CNTNAP5: variants seen among roughly 807,000 people sequenced by gnomAD.
CNTNAP5 encodes contactin associated protein family member 5.
A neutral mutation model predicts 150.2 loss-of-function variants in CNTNAP5; 72 were observed. That is an observed-to-expected ratio of 0.48 (90% CI 0.40 to 0.58). The LOEUF is 0.58. Ranked by LOEUF, CNTNAP5 falls within the 20% of genes least tolerant of loss-of-function variation. The pLI is 0.00. For synonymous variants in CNTNAP5, 672 were observed against 619.8 expected (o/e 1.08, Z -1.25); for missense variants, 1,636 against 1,626.2 (o/e 1.01, Z -0.10).
chr2:124,681,257 G>C (rs1319309066), intron 13 of CNTNAP5, among the ~76,000 whole-genome samples: 3 of 143,824 alleles, frequency 2.1e-5, no homozygotes, highest in African/African-American at 7.8e-5. Flanking sequence ...AGCTGAGATC[G>C]AGCCACTGTA....
intron 1 of CNTNAP5, among the ~76,000 whole-genome samples, chr2:124,151,281 T>C (rs944012435): frequency 6.6e-6 from 1 of 152,166 alleles, no homozygotes; most frequent in African/African-American, 2.4e-5. Context: ...CCTGAGAGGT[T>C]TCTAAACAGA....
chr2:124,238,860 G>A (rs1686814683), intron 2 of CNTNAP5, among the ~76,000 whole-genome samples: 1 of 152,120 alleles, frequency 6.6e-6, no homozygotes, highest in Non-Finnish European at 1.5e-5. Flanking sequence ...TTTATTGTTT[G>A]GTGGAAAGAA....
intron 21 of CNTNAP5, among the ~76,000 whole-genome samples, chr2:124,877,382 G>C (rs1165785325): frequency 6.6e-6 from 1 of 152,132 alleles, no homozygotes; most frequent in Non-Finnish European, 1.5e-5. Flanking sequence ...AATGCAGACT[G>C]TCTTCAGCTG....
intron 21 of CNTNAP5, among the ~76,000 whole-genome samples, chr2:124,879,131 C>T (rs1677917669): frequency 6.6e-6 from 1 of 152,052 alleles, no homozygotes; most frequent in Non-Finnish European, 1.5e-5. Context: ...TTAAAATCAT[C>T]AAATCCAGTC....
intron 4 of CNTNAP5, among the ~76,000 whole-genome samples, chr2:124,428,998 A>G (rs1355527317): frequency 1.3e-5 from 2 of 152,210 alleles, no homozygotes; most frequent in Non-Finnish European, 2.9e-5. Flanking sequence ...AGAATCTGCC[A>G]AGATGCTTGT....
At chr2:124,764,745 T>C (rs2104601659) in intron 16 of CNTNAP5, among the ~76,000 whole-genome samples, 1 of 152,260 alleles carries the variant, frequency 6.6e-6, no homozygotes, top group South Asian at 2.1e-4. Flanking sequence ...ATAATGGGAA[T>C]ACAGATGGTG....
intron 1 of CNTNAP5, among the ~76,000 whole-genome samples, chr2:124,090,627 G>T (rs1447442790): frequency 6.6e-6 from 1 of 152,136 alleles, no homozygotes; most frequent in African/African-American, 2.4e-5. Flanking sequence ...AAGACAATGG[G>T]ATTGGAGCAC....
chr2:124,715,880 A>G (rs1408591604), intron 13 of CNTNAP5, among the ~76,000 whole-genome samples: 5 of 152,184 alleles, frequency 3.3e-5, no homozygotes, highest in Admixed American at 3.3e-4. Flanking sequence ...AAATAAAATG[A>G]CTACCAAGTC....
intron 10 of CNTNAP5, among the ~76,000 whole-genome samples, chr2:124,557,799 A>G (rs926783237): frequency 6.6e-6 from 1 of 152,182 alleles, no homozygotes; most frequent in African/African-American, 2.4e-5. Flanking sequence ...TTGAGCAGGA[A>G]CATGAGCTGA....
At chr2:124,296,847 A>G (rs1282033333) in intron 3 of CNTNAP5, among the ~76,000 whole-genome samples, 2 of 152,224 alleles carry the variant, frequency 1.3e-5, no homozygotes, top group African/African-American at 2.4e-5. Context: ...AGGCACTGCT[A>G]TTCATTCAGA....
chr2:124,407,640 G>A (rs2104765008), intron 3 of CNTNAP5, among the ~76,000 whole-genome samples: 1 of 152,288 alleles, frequency 6.6e-6, no homozygotes, highest in East Asian at 1.9e-4. Flanking sequence ...CAGGGAAAAT[G>A]GATGTACCCA....
At chr2:124,366,135 A>T (rs1690364943) in intron 3 of CNTNAP5, among the ~76,000 whole-genome samples, 2 of 152,150 alleles carry the variant, frequency 1.3e-5, no homozygotes, top group Admixed American at 1.3e-4. Context: ...TCTCTTTACT[A>T]AGTACTTGAT....
At chr2:124,353,286 CA>C (rs565907115) in intron 3 of CNTNAP5, among the ~76,000 whole-genome samples, 18,229 of 88,034 alleles carry the variant, frequency 0.21, 1,085 homozygotes, top group East Asian at 0.23. Flanking sequence ...AAAAACAGAC[CA>C]AAAAAAAAAA....
chr2:124,516,846 A>G (rs1304083495), intron 8 of CNTNAP5, among the ~76,000 whole-genome samples: 1 of 151,850 alleles, frequency 6.6e-6, no homozygotes, highest in Non-Finnish European at 1.5e-5. Flanking sequence ...TTTATGGAGG[A>G]ATTGGTGGGG....
chr2:124,338,003 A>G (rs1689520179), intron 3 of CNTNAP5, among the ~76,000 whole-genome samples: 2 of 152,138 alleles, frequency 1.3e-5, no homozygotes, highest in Non-Finnish European at 2.9e-5. Flanking sequence ...CATGAGCATG[A>G]AGTGTTCTTC....
intron 3 of CNTNAP5, among the ~76,000 whole-genome samples, chr2:124,260,649 A>T (rs1381931482): frequency 1.3e-5 from 2 of 152,250 alleles, no homozygotes; most frequent in African/African-American, 4.8e-5. Flanking sequence ...AGCATCTACA[A>T]TGAACTCAAA....
chr2:124,562,617 T>TCAGAATAGC, intron 10 of CNTNAP5, among the ~76,000 whole-genome samples: 1 of 152,220 alleles, frequency 6.6e-6, no homozygotes, highest in South Asian at 2.1e-4. Context: ...AAAATATTTT[T>TCAGAATAGC]CAGAATAGCC....
intron 1 of CNTNAP5, among the ~76,000 whole-genome samples, chr2:124,122,791 C>A (rs1435460201): frequency 1.3e-5 from 2 of 149,908 alleles, no homozygotes; most frequent in African/African-American, 4.9e-5. Flanking sequence ...CACACACACA[C>A]ACCCACACCT....
chr2:124,136,116 A>AT (rs1193991721), intron 1 of CNTNAP5, among the ~76,000 whole-genome samples: 3 of 152,076 alleles, frequency 2.0e-5, no homozygotes, highest in African/African-American at 7.2e-5. Context: ...AGAGACACCT[A>AT]TTTTTTCCCT....
Sources: gnomAD v4.1 joint callset for allele counts (sites outside exome capture counted in the v4.1 genomes callset) on GRCh38, gnomAD v4.1.1 for gene constraint, MANE v1.5 for transcripts, NCBI Gene and HGNC (gene_info 2026-07-23, HGNC 2026-07-21) for gene names.